The following FCHSD2 variants were observed in gnomAD, a reference collection of about 807,000 sequenced individuals.
FCHSD2 encodes F-BAR and double SH3 domains protein 2.
FCHSD2 carries 38 observed loss-of-function variants against 108.1 expected under a neutral mutation model. The ratio of observed to expected loss-of-function variants is 0.35; its 90% CI spans 0.27 to 0.46. FCHSD2 has a LOEUF of 0.46. Among genes scored for constraint, FCHSD2 ranks in the 20% least tolerant of loss-of-function variants. FCHSD2 has a pLI of 1.00. For synonymous variants in FCHSD2, 279 were observed against 314.7 expected (o/e 0.89, Z 1.20); for missense variants, 751 against 897.8 (o/e 0.84, Z 2.09).
At position 73,030,102 on chromosome 11, in the gene FCHSD2, GA is replaced by G. The variant is rs200071474; in HGVS notation, c.166-14218del. On this transcript the variant is annotated intron_variant, in intron 3 of 19. Transcript: ENST00000409418. The stretch of plus-strand genomic sequence containing the variant: ...ATACCCAAGGGAATGCCATTAGTTT[GA>G]AAATATTTTTGCCTACAGTTATAAA... Among the ~76,000 whole-genome samples, 717 of 152,188 alleles carry G rather than the reference GA, an allele frequency of 4.7e-3. 19 individuals carry two copies. Among genetic ancestry groups the G allele is most frequent in the Admixed American group, 0.041 (633 of 15,284 alleles).
At position 73,001,201 on chromosome 11, in the gene FCHSD2, G is replaced by T. The variant is rs548460319; in HGVS notation, c.243-67C>A. On this transcript the variant is annotated intron_variant, in intron 4 of 19. Coordinates refer to ENST00000409418, the MANE Select transcript of FCHSD2 (RefSeq NM_014824.3). The stretch of plus-strand genomic sequence containing the variant: ...GGAAGAAAAAGTTGGCTAACCTTTT[G>T]CTCACAGGGCAGCACTGACAGAATA... The T allele has an allele frequency of 3.7e-6, 5 of 1,358,028 alleles. No individual in the cohort carries two copies. The South Asian group carries it at 6.2e-5, about 17-fold the overall frequency. 84.1% of individuals were successfully genotyped at this position (1,358,028 alleles called of 1,614,324 possible). A position where few individuals can be genotyped will look rare whatever the true frequency, so the allele number is the denominator to read the frequency against.
At position 72,921,810 on chromosome 11, in the gene FCHSD2, G is replaced by A. The variant is rs374876270; in HGVS notation, c.828+18C>T. 1.5e-5 allele frequency: 24 copies of A among 1,601,446 alleles called. No homozygotes were observed. Among genetic ancestry groups the A allele is most frequent in the Non-Finnish European group, 2.0e-5 (23 of 1,170,362 alleles). ...TCTAAGTTGGATAACACTACACGTT[G>A]CACTAAAGGTAACTTACCTTGCTGG... is the stretch of plus-strand genomic sequence containing the variant. On this transcript the variant is annotated intron_variant, in intron 9 of 19. Transcript: ENST00000409418.
intron 12 of FCHSD2, among the ~76,000 whole-genome samples, chr11:72,868,552 A>T (rs965505377): frequency 1.3e-5 from 2 of 152,074 alleles, no homozygotes; most frequent in Non-Finnish European, 2.9e-5. Flanking sequence ...TTAGCTAGGC[A>T]TGGTATCATG....
At chr11:73,032,872 G>T (rs1228786775) in intron 3 of FCHSD2, among the ~76,000 whole-genome samples, 1 of 152,172 alleles carries the variant, frequency 6.6e-6, no homozygotes, top group African/African-American at 2.4e-5. Flanking sequence ...ATCACACAAG[G>T]ATTTATGTTT....
At chr11:72,920,155 C>T (rs1855951260) in intron 9 of FCHSD2, among the ~76,000 whole-genome samples, 2 of 151,946 alleles carry the variant, frequency 1.3e-5, no homozygotes, top group Non-Finnish European at 1.5e-5. Context: ...GAAATAGACA[C>T]AACACTGAGA....
At chr11:72,939,643 G>C (rs1211112259) in intron 8 of FCHSD2, among the ~76,000 whole-genome samples, 1 of 97,806 alleles carries the variant, frequency 1.0e-5, no homozygotes, top group Admixed American at 1.6e-4. Flanking sequence ...TTTTGAGACA[G>C]TGTCTCGCCC....
rs992661794 is a variant in FCHSD2 at position 72,909,270 on chromosome 11, C to T, written c.829-6632G>A. Among the ~76,000 whole-genome samples the T allele has an allele frequency of 2.6e-5, 4 of 152,266 alleles. No individual in the cohort carries two copies. In the East Asian group the frequency reaches 7.7e-4, roughly 29 times the overall value. On this transcript the variant is annotated intron_variant, in intron 9 of 19. Transcript: ENST00000409418. ...CGGGCTGGTCTCCAGCTCTTGACCT[C>T]GAGTGATCTGCCCGCCTCGGCCTCC...
intron 18 of FCHSD2, 41 bp from the exon 19 acceptor site, chr11:72,841,000 T>A: frequency 6.8e-7 from 1 of 1,480,638 alleles, no homozygotes; most frequent in Non-Finnish European, 9.4e-7. Context: ...ACTTGAGTTG[T>A]TGAGCAATAA....
At chr11:72,969,119 T>C (rs1157214367) in intron 8 of FCHSD2, among the ~76,000 whole-genome samples, 1 of 152,216 alleles carries the variant, frequency 6.6e-6, no homozygotes, top group Non-Finnish European at 1.5e-5. Context: ...AGACTCCAGA[T>C]GTCTCCTCCT....
At chr11:72,899,491 G>A (rs1855483515) in intron 10 of FCHSD2, among the ~76,000 whole-genome samples, 1 of 152,094 alleles carries the variant, frequency 6.6e-6, no homozygotes, top group African/African-American at 2.4e-5. Context: ...AATAATACAT[G>A]TCTGGCTGAG....
At chr11:73,133,176 T>C (rs1861044160) in intron 2 of FCHSD2, among the ~76,000 whole-genome samples, 1 of 152,192 alleles carries the variant, frequency 6.6e-6, no homozygotes, top group African/African-American at 2.4e-5. Context: ...GGTGGGAATA[T>C]AAAATGGAGC....
chr11:72,897,078 A>G (rs1348873601), intron 10 of FCHSD2, among the ~76,000 whole-genome samples: 1 of 151,800 alleles, frequency 6.6e-6, no homozygotes, highest in East Asian at 1.9e-4. Context: ...CGCCCATCTC[A>G]GCTCTCAGCC....
chr11:73,053,693 A>C (rs1344109451), intron 3 of FCHSD2, among the ~76,000 whole-genome samples: 2 of 152,238 alleles, frequency 1.3e-5, no homozygotes, highest in Non-Finnish European at 2.9e-5. Flanking sequence ...GTTTGTTTAC[A>C]GTATGGGCAT....
At chr11:73,106,262 C>T (rs1565413054) in intron 2 of FCHSD2, among the ~76,000 whole-genome samples, 8 of 151,972 alleles carry the variant, frequency 5.3e-5, no homozygotes, top group Admixed American at 4.6e-4. Flanking sequence ...CATGAATTAG[C>T]TGGACATGGT....
At position 73,126,339 on chromosome 11, in the gene FCHSD2, T is replaced by TAAAAAAAAAAAAAAA. The variant is rs61586562; in HGVS notation, c.119+13677_119+13691dup. On this transcript the variant is annotated intron_variant, in intron 2 of 19. Transcript: ENST00000409418. The stretch of plus-strand genomic sequence containing the variant: ...TGGGCAACAGGGCAAGATTCCATCT[T>TAAAAAAAAAAAAAAA]AAAAAAAAAAAAAAAAAAAAAAAAA... 1.3e-3 allele frequency among the ~76,000 whole-genome samples: 36 copies of TAAAAAAAAAAAAAAA among 27,636 alleles called. 1 individual carries two copies. Among genetic ancestry groups the TAAAAAAAAAAAAAAA allele is most frequent in the Non-Finnish European group, 2.0e-3 (22 of 11,236 alleles). 18.1% of individuals were successfully genotyped at this position (27,636 alleles called of 152,430 possible). A position where few individuals can be genotyped will look rare whatever the true frequency, so the allele number is the denominator to read the frequency against.
chr11:72,939,445 C>T (rs927097830), intron 8 of FCHSD2, among the ~76,000 whole-genome samples: 2 of 151,890 alleles, frequency 1.3e-5, no homozygotes, highest in African/African-American at 2.4e-5. Flanking sequence ...AATGGTACTA[C>T]AATTATAACT....
chr11:72,944,301 T>G (rs372054931), intron 8 of FCHSD2, among the ~76,000 whole-genome samples: 1 of 152,164 alleles, frequency 6.6e-6, no homozygotes, highest in South Asian at 2.1e-4. Context: ...ACAAAAACCA[T>G]ATGATTATCT....
chr11:72,909,334 A>G (rs188003127), intron 9 of FCHSD2, among the ~76,000 whole-genome samples: 2,084 of 152,062 alleles, frequency 0.014, 45 homozygotes, highest in African/African-American at 0.048. Context: ...CGCTCACTCA[A>G]TGCTCAATGT....
intron 12 of FCHSD2, among the ~76,000 whole-genome samples, chr11:72,878,514 G>A (rs1855015519): frequency 6.6e-6 from 1 of 152,114 alleles, no homozygotes; most frequent in South Asian, 2.1e-4. Context: ...TCTAAGTCTG[G>A]GCAGGAAAAA....
Sources: gnomAD v4.1 joint callset for allele counts (sites outside exome capture counted in the v4.1 genomes callset) on GRCh38, gnomAD v4.1.1 for gene constraint, MANE v1.5 for transcripts, NCBI Gene and HGNC (gene_info 2026-07-23, HGNC 2026-07-21) for gene names.